Variants in RALGAPA2 observed in about 807,000 individuals in gnomAD.
RALGAPA2 encodes the protein ral GTPase-activating protein subunit alpha-2.
A neutral mutation model predicts 230.4 loss-of-function variants in RALGAPA2; 139 were observed. The ratio of observed to expected loss-of-function variants is 0.60; its 90% CI spans 0.53 to 0.69. RALGAPA2 has a LOEUF of 0.69. Ranked by LOEUF, RALGAPA2 falls within the 30% of genes least tolerant of loss-of-function variation. The probability of loss-of-function intolerance (pLI) is 0.00; values close to 1 mark genes in which losing one functional copy is unlikely to be tolerated. For missense variants in RALGAPA2, 2,163 were observed against 2,276.0 expected (o/e 0.95, Z 1.01); for synonymous variants, 847 against 837.8 (o/e 1.01, Z -0.19).
chr20:20,410,746 T>C (rs1257070997), intron 38 of RALGAPA2, among the ~76,000 whole-genome samples: 1 of 152,240 alleles, frequency 6.6e-6, no homozygotes, highest in Non-Finnish European at 1.5e-5. Context: ...CTTTAAGTTA[T>C]AAGCTTTTCT....
At chr20:20,429,331 C>G (rs2060454561) in intron 37 of RALGAPA2, among the ~76,000 whole-genome samples, 1 of 152,200 alleles carries the variant, frequency 6.6e-6, no homozygotes, top group Non-Finnish European at 1.5e-5. Context: ...AATTAATCCA[C>G]AAACATTGTT....
At chr20:20,686,535 A>C (rs986383588) in intron 1 of RALGAPA2, among the ~76,000 whole-genome samples, 27 of 141,646 alleles carry the variant, frequency 1.9e-4, no homozygotes, top group Non-Finnish European at 3.3e-4. Flanking sequence ...ACACCTCAGA[A>C]AAAAAAAAAA....
At chr20:20,700,107 C>T (rs2146976735) in intron 1 of RALGAPA2, among the ~76,000 whole-genome samples, 1 of 152,210 alleles carries the variant, frequency 6.6e-6, no homozygotes, top group African/African-American at 2.4e-5. Flanking sequence ...ACATATACAC[C>T]ATGGAATACT....
At chr20:20,650,707 AC>A (rs1470144410) in intron 4 of RALGAPA2, among the ~76,000 whole-genome samples, 1 of 152,222 alleles carries the variant, frequency 6.6e-6, no homozygotes, top group Non-Finnish European at 1.5e-5. Context: ...AATGCTGAGG[AC>A]ATATTTAAAG....
intron 3 of RALGAPA2, among the ~76,000 whole-genome samples, chr20:20,654,999 T>C (rs934978616): frequency 5.9e-5 from 9 of 152,352 alleles, no homozygotes; most frequent in Admixed American, 5.9e-4. Flanking sequence ...TGATTAGTGA[T>C]GTCAAACGTT....
At chr20:20,393,900 C>A (rs551927054) in intron 39 of RALGAPA2, among the ~76,000 whole-genome samples, 23 of 152,334 alleles carry the variant, frequency 1.5e-4, no homozygotes, top group Non-Finnish European at 2.1e-4. Flanking sequence ...TGCTGCAACA[C>A]CAAGCCACTG....
chr20:20,481,217 G>C (rs867606177), intron 36 of RALGAPA2, among the ~76,000 whole-genome samples: 1 of 152,212 alleles, frequency 6.6e-6, no homozygotes, highest in Non-Finnish European at 1.5e-5. Context: ...CCAGTTGTTG[G>C]AGCAAAGACA....
At chr20:20,492,704 C>T (rs150486939) in intron 36 of RALGAPA2, among the ~76,000 whole-genome samples, 2 of 152,282 alleles carry the variant, frequency 1.3e-5, no homozygotes, top group South Asian at 4.1e-4. Context: ...CGCTCACAGG[C>T]GGCCTTTCCC....
intron 36 of RALGAPA2, among the ~76,000 whole-genome samples, chr20:20,484,052 T>C (rs1381455175): frequency 2.6e-5 from 4 of 152,212 alleles, no homozygotes; most frequent in Non-Finnish European, 5.9e-5. Flanking sequence ...TCTGACACAG[T>C]TTCCCCCTCT....
In RALGAPA2 at chr20:20,629,581, C is replaced by T; in HGVS notation, c.1015G>A (p.Gly339Ser). Residue 339 changes from glycine to serine, a missense_variant, in exon 10 of 40, where the codon GGT (glycine) becomes AGT (serine). Physicochemically the swap from Gly to Ser is moderately conservative, Grantham distance 56. Coordinates refer to ENST00000202677, the MANE Select transcript of RALGAPA2 (RefSeq NM_020343.4). ...VLPKIIQTVG[G>S]GAVQERAPEL... ...GGCGCTCTCTCCTGCACAGCACCACCACCAACAGTCTGGAAGAAAGTCAGC... is the reference window on the plus strand; with the variant it reads ...GGCGCTCTCTCCTGCACAGCACCACTACCAACAGTCTGGAAGAAAGTCAGC... 1 of 1,613,264 alleles carries T rather than the reference C, an allele frequency of 6.2e-7. No homozygotes were observed.
At position 20,539,511 on chromosome 20, in the gene RALGAPA2, G is replaced by A. The variant is rs374196731; in HGVS notation, c.3286-2727C>T. On this transcript the variant is annotated intron_variant, in intron 24 of 39. Transcript: ENST00000202677. ...ACTAAAGCATAATTAATAAAAATTTGTATATTTAAAGTATATACAACATGT... is the reference window on the plus strand; with the variant it reads ...ACTAAAGCATAATTAATAAAAATTTATATATTTAAAGTATATACAACATGT... Among the ~76,000 whole-genome samples the A allele has an allele frequency of 2.6e-5, 4 of 151,936 alleles. No individual in the cohort carries two copies. The South Asian group carries it at 8.3e-4, about 32-fold the overall frequency.
In RALGAPA2 at chr20:20,712,274, C is replaced by CAA; in HGVS notation, c.106+100_106+101insTT. 4.1e-6 allele frequency: 4 copies of CAA among 972,168 alleles called. No homozygotes were observed. The highest frequency in any genetic ancestry group is 4.3e-6 in the Non-Finnish European group (3 of 697,078). The allele number at this position is 972,168 out of a possible 1,614,324, so 60.2% of individuals were successfully genotyped here. A position where few individuals can be genotyped will look rare whatever the true frequency, so the allele number is the denominator to read the frequency against. On this transcript the variant is annotated intron_variant, in intron 1 of 39. Coordinates refer to ENST00000202677, the MANE Select transcript of RALGAPA2 (RefSeq NM_020343.4). The surrounding 1 kb of genome is among the most constrained non-coding windows in gnomAD (Gnocchi z 5.5). ...GGGGGTCGGACGCCCACCCATCCCC[C>CAA]TCCCCAGCCTCCCAGCCACCGACCC...
intron 23 of RALGAPA2, among the ~76,000 whole-genome samples, chr20:20,551,250 A>G (rs2063916727): frequency 6.6e-6 from 1 of 152,246 alleles, no homozygotes; most frequent in Non-Finnish European, 1.5e-5. Flanking sequence ...CTAAACCACA[A>G]ACTAAACAAT....
intron 3 of RALGAPA2, among the ~76,000 whole-genome samples, chr20:20,657,820 A>T (rs1196059103): frequency 6.6e-6 from 1 of 152,232 alleles, no homozygotes; most frequent in Admixed American, 6.5e-5. Context: ...TGAGAAAAGT[A>T]AAGATTCAGA....
At chr20:20,677,063 T>C (rs1228961771) in intron 2 of RALGAPA2, among the ~76,000 whole-genome samples, 1 of 152,192 alleles carries the variant, frequency 6.6e-6, no homozygotes, top group Non-Finnish European at 1.5e-5. Context: ...CATTCATTCA[T>C]TCATTGAATA....
chr20:20,653,448 G>C lies in RALGAPA2; in HGVS notation c.328+82C>G, dbSNP rs2067479917. On this transcript the variant is annotated intron_variant, in intron 4 of 39. Coordinates refer to ENST00000202677, the MANE Select transcript of RALGAPA2 (RefSeq NM_020343.4). ...AATATTCCTTTCTATAAGCTATCTT[G>C]ATGATATCAATTATATAAAACATTA... 6.4e-6 allele frequency: 5 copies of C among 787,274 alleles called. No individual in the cohort carries two copies. The South Asian group carries it at 8.0e-5, about 13-fold the overall frequency. 48.8% of individuals were successfully genotyped at this position (787,274 alleles called of 1,614,324 possible).
At chr20:20,550,480 C>T (rs776936920) in intron 23 of RALGAPA2, among the ~76,000 whole-genome samples, 3 of 152,176 alleles carry the variant, frequency 2.0e-5, no homozygotes, top group Non-Finnish European at 4.4e-5. Context: ...AATAACTTCT[C>T]TCAACTCCAG....
At chr20:20,492,480 G>C (rs2062086030) in intron 36 of RALGAPA2, among the ~76,000 whole-genome samples, 1 of 152,138 alleles carries the variant, frequency 6.6e-6, no homozygotes, top group Non-Finnish European at 1.5e-5. Context: ...AGTAGGCAAG[G>C]TTAAATAAAC....
chr20:20,589,129 C>T, intron 18 of RALGAPA2, 139 bp downstream of exon 18: 1 of 1,181,964 alleles, frequency 8.5e-7, no homozygotes, highest in Non-Finnish European at 1.1e-6. Context: ...CTTAAAAGAT[C>T]TCAACATCAT....
Sources: gnomAD v4.1 joint callset for allele counts (sites outside exome capture counted in the v4.1 genomes callset) on GRCh38, gnomAD v4.1.1 for gene constraint, Gnocchi (gnomAD v3.1) non-coding constraint, MANE v1.5 for transcripts, NCBI Gene and HGNC (gene_info 2026-07-23, HGNC 2026-07-21) for gene names.